The following SNX18 variants were observed in gnomAD, a reference collection of about 807,000 sequenced individuals.
The protein encoded by SNX18 is sorting nexin-18.
Under a neutral mutation model 48.7 loss-of-function variants are expected in SNX18, and 35 were observed. The observed-to-expected ratio is 0.72, with a 90% confidence interval of 0.55 to 0.95. SNX18 has a LOEUF of 0.95. SNX18 is among the 40% of genes least tolerant of loss of function. The pLI is 0.00. For missense variants in SNX18, 824 were observed against 871.0 expected, an observed-to-expected ratio of 0.95 and a Z score of 0.68; for synonymous variants, 492 against 384.7, an observed-to-expected ratio of 1.28 and a Z score of -3.26.
At chr5:54,533,047 A>G (rs935507406) in intron 1 of SNX18, among the ~76,000 whole-genome samples, 3 of 152,204 alleles carry the variant, frequency 2.0e-5, no homozygotes, top group Non-Finnish European at 4.4e-5. Context: ...TATTTTCAGG[A>G]TGAAATCAAG....
At chr5:54,519,761 C>T in intron 1 of SNX18, 188 bp downstream of exon 1, 3 of 1,614,062 alleles carry the variant, frequency 1.9e-6, no homozygotes, top group Non-Finnish European at 2.5e-6. Flanking sequence ...GCTTCCTCCT[C>T]GAGTATCTTG....
the SNX18 span, among the ~76,000 whole-genome samples, chr5:54,576,398 A>C: frequency 6.6e-6 from 1 of 152,216 alleles, no homozygotes; most frequent in Non-Finnish European, 1.5e-5. Flanking sequence ...CTATGGATGC[A>C]GTGGTTTGGA....
At chr5:54,548,449 T>G (rs188340346), downstream of SNX18, among the ~76,000 whole-genome samples, 14 of 152,308 alleles carry the variant, frequency 9.2e-5, no homozygotes, top group African/African-American at 3.4e-4. Flanking sequence ...TTGTTGAGCT[T>G]CTCTGCAAGC....
At chr5:54,522,738 C>G (rs997044604) in intron 1 of SNX18, among the ~76,000 whole-genome samples, 4 of 143,056 alleles carry the variant, frequency 2.8e-5, no homozygotes, top group African/African-American at 9.8e-5. Flanking sequence ...TGGTGAGAAC[C>G]CAGCTGCAAA....
chr5:54,568,299 A>G, the SNX18 span, among the ~76,000 whole-genome samples: 1 of 152,202 alleles, frequency 6.6e-6, no homozygotes. Flanking sequence ...ACTTTATGGT[A>G]GGAACTTCGC....
chr5:54,517,921 GAGTCGGGACCGCC>G lies in SNX18; in HGVS notation c.-24_-12del, dbSNP rs776493486. On this transcript the variant is annotated 5_prime_UTR_variant, in exon 1 of 2. Coordinates refer to ENST00000381410, the MANE Select transcript of SNX18 (RefSeq NM_001102575.2). ...GGTGGGCCTCGGCTCGGGACGCCGG[GAGTCGGGACCGCC>G]AGTCGGGGCGCCGGGACCATGGCGC... The G allele has an allele frequency of 2.0e-6, 3 of 1,482,984 alleles. No homozygotes were observed. Among genetic ancestry groups the G allele is most frequent in the South Asian group, 2.6e-5 (2 of 78,378 alleles). 91.9% of individuals were successfully genotyped at this position (1,482,984 alleles called of 1,614,324 possible).
At chr5:54,624,027 C>T in the SNX18 span, among the ~76,000 whole-genome samples, 3 of 152,154 alleles carry the variant, frequency 2.0e-5, no homozygotes, top group Non-Finnish European at 4.4e-5. Context: ...TTAACAATCT[C>T]AAGGTTTATG....
the SNX18 span, among the ~76,000 whole-genome samples, chr5:54,604,371 C>T: frequency 6.6e-6 from 1 of 152,150 alleles, no homozygotes. Flanking sequence ...ACCCAAAGGT[C>T]TACTGGCACA....
the SNX18 span, among the ~76,000 whole-genome samples, chr5:54,623,642 C>T: frequency 5.6e-4 from 85 of 152,146 alleles, no homozygotes; most frequent in Non-Finnish European, 1.1e-3. Flanking sequence ...TTCCCACACT[C>T]GGTTAATCTA....
chr5:54,590,331 G>A, the SNX18 span, among the ~76,000 whole-genome samples: 3 of 152,172 alleles, frequency 2.0e-5, no homozygotes, highest in Non-Finnish European at 4.4e-5. Context: ...GTTCTAGACG[G>A]GGGGCATTTC....
At chr5:54,584,863 A>T in the SNX18 span, among the ~76,000 whole-genome samples, 2 of 152,194 alleles carry the variant, frequency 1.3e-5, no homozygotes, top group African/African-American at 4.8e-5. Flanking sequence ...GTCCTGTGGA[A>T]ATGCCTCAGT....
chr5:54,620,899 CAT>C, the SNX18 span, among the ~76,000 whole-genome samples: 1 of 152,156 alleles, frequency 6.6e-6, no homozygotes, highest in Non-Finnish European at 1.5e-5. Context: ...TAACAGCAGT[CAT>C]ATTGGATTAG....
the SNX18 span, among the ~76,000 whole-genome samples, chr5:54,577,081 G>A: frequency 2.6e-5 from 4 of 152,174 alleles, no homozygotes; most frequent in East Asian, 1.9e-4. Context: ...GATTACAGGC[G>A]TGAGCCACCG....
the SNX18 span, among the ~76,000 whole-genome samples, chr5:54,580,817 T>C: frequency 6.6e-6 from 1 of 152,158 alleles, no homozygotes; most frequent in Non-Finnish European, 1.5e-5. Flanking sequence ...ATGAAAACAG[T>C]ATGTTTCTTG....
At chr5:54,582,745 C>A in the SNX18 span, among the ~76,000 whole-genome samples, 1 of 151,924 alleles carries the variant, frequency 6.6e-6, no homozygotes, top group Non-Finnish European at 1.5e-5. Flanking sequence ...TGAGCTACGG[C>A]AACAGAGTAA....
the SNX18 span, among the ~76,000 whole-genome samples, chr5:54,638,546 CT>C: frequency 6.6e-6 from 1 of 152,026 alleles, no homozygotes; most frequent in African/African-American, 2.4e-5. Flanking sequence ...GGCTTGGTAT[CT>C]TCTTTGTTGT....
chr5:54,638,498 TA>T, the SNX18 span, among the ~76,000 whole-genome samples: 75 of 151,180 alleles, frequency 5.0e-4, no homozygotes, highest in Non-Finnish European at 7.5e-4. Flanking sequence ...AGATTACATT[TA>T]AAAAAATTTT....
chr5:54,605,271 G>C, the SNX18 span, among the ~76,000 whole-genome samples: 1 of 152,102 alleles, frequency 6.6e-6, no homozygotes, highest in Non-Finnish European at 1.5e-5. Flanking sequence ...CATTTTACCT[G>C]GGACTTAAGT....
At chr5:54,572,752 G>GTATATATATATATATATATA in the SNX18 span, among the ~76,000 whole-genome samples, 2 of 39,504 alleles carry the variant, frequency 5.1e-5, no homozygotes, top group Non-Finnish European at 1.1e-4. Flanking sequence ...GTGTGTGTGT[G>GTATATATATATATATATATA]TGTATATATA....
Sources: allele counts gnomAD v4.1 joint callset (sites outside exome capture counted in the v4.1 genomes callset), GRCh38; gene constraint gnomAD v4.1.1; transcripts MANE v1.5; gene names NCBI Gene and HGNC (gene_info 2026-07-23, HGNC 2026-07-21).